The following B4GALNT2 variants were observed in gnomAD, a reference collection of about 807,000 sequenced individuals.
B4GALNT2 encodes beta-1,4-N-acetyl-galactosaminyltransferase 2 (SID blood group), also known as N-acetylneuraminylgalactosylglucosyl-glucoside beta-1,4-N- acetylgalactosaminyltransferase 2.
In B4GALNT2, 42 loss-of-function variants were observed where a neutral mutation model predicts 51.1. The observed-to-expected ratio is 0.82, with a 90% confidence interval of 0.64 to 1.06. The LOEUF is 1.06. Among genes scored for constraint, B4GALNT2 ranks in the 50% least tolerant of loss-of-function variants. B4GALNT2 has a pLI of 0.00. For synonymous variants in B4GALNT2, 253 were observed against 251.7 expected (o/e 1.01, Z -0.05); for missense variants, 602 against 633.6 (o/e 0.95, Z 0.54).
chr17:49,123,621 T>C, the B4GALNT2 span, among the ~76,000 whole-genome samples: 23 of 152,226 alleles, frequency 1.5e-4, 1 homozygote, highest in Non-Finnish European at 1.5e-4. Flanking sequence ...AAATTGGCAT[T>C]GATGGAACTT....
At chr17:49,129,481 A>G (rs1430468863), upstream of B4GALNT2, among the ~76,000 whole-genome samples, 3 of 152,262 alleles carry the variant, frequency 2.0e-5, no homozygotes, top group African/African-American at 7.2e-5. Context: ...TGGTTGCAAG[A>G]GAGCCTCTAT....
At chr17:49,133,904 T>G (rs2042564977) in intron 1 of B4GALNT2, among the ~76,000 whole-genome samples, 1 of 151,798 alleles carries the variant, frequency 6.6e-6, no homozygotes, top group South Asian at 2.1e-4. Flanking sequence ...AGAGGGAGAC[T>G]CTGTCTCAAA....
rs201464168 is a variant in B4GALNT2, at chr17:49,164,127, C to T, written c.806C>T (p.Thr269Ile). ...LRNLVTIATK[T>I]FLRPHKLMIM... ...AACCTGGTTACCATTGCTACCAAGA[C>T]TTTCCTCCGCCCCCACAAGCTCATG... The change falls in exon 8 of 11, where the codon ACT becomes ATT. Residue 269 changes from threonine (T) to isoleucine (I), a missense_variant. Thr to Ile is a moderately conservative substitution (Grantham distance 89, BLOSUM62 -1). Transcript: ENST00000393354. The T allele has an allele frequency of 3.3e-5, 54 of 1,614,142 alleles. No homozygotes were observed. The highest frequency in any genetic ancestry group is 4.5e-5 in the Non-Finnish European group (53 of 1,179,986).
At chr17:49,159,620 G>A (rs944475822) in intron 6 of B4GALNT2, among the ~76,000 whole-genome samples, 9 of 152,146 alleles carry the variant, frequency 5.9e-5, no homozygotes, top group East Asian at 5.8e-4. Context: ...GATTACAGGC[G>A]TGAGCTACAG....
chr17:49,147,727 G>A lies in B4GALNT2; in HGVS notation c.354-5073G>A, dbSNP rs184077287. Among the ~76,000 whole-genome samples the A allele has an allele frequency of 4.9e-3, 752 of 151,936 alleles. 6 individuals are homozygous for A. The highest frequency in any genetic ancestry group is 8.1e-3 in the Non-Finnish European group (548 of 67,964). On this transcript the variant is annotated intron_variant, in intron 3 of 10. Transcript: ENST00000393354. ...CCTGACCACTACCACTGCTATTCTC[G>A]TCCCTTTCTTAAATGATAGGTTCCC...
intron 1 of B4GALNT2, among the ~76,000 whole-genome samples, chr17:49,136,442 T>G (rs1489528525): frequency 6.6e-6 from 1 of 151,916 alleles, no homozygotes; most frequent in African/African-American, 2.4e-5. Flanking sequence ...AGATTTTATA[T>G]TTTATGTATA....
intron 5 of B4GALNT2, among the ~76,000 whole-genome samples, chr17:49,158,568 G>A (rs1191556880): frequency 2.7e-5 from 4 of 150,196 alleles, no homozygotes; most frequent in African/African-American, 9.8e-5. Context: ...AACCTGGGAG[G>A]TGGAGGTTGC....
At chr17:49,153,696 C>T (rs1408398933) in intron 4 of B4GALNT2, among the ~76,000 whole-genome samples, 2 of 151,798 alleles carry the variant, frequency 1.3e-5, no homozygotes, top group African/African-American at 2.4e-5. Context: ...TTAGTAGAGA[C>T]GGGTTTTCAC....
At chr17:49,133,229 T>C in intron 1 of B4GALNT2, 1 of 1,477,048 alleles carries the variant, frequency 6.8e-7, no homozygotes, top group Non-Finnish European at 8.9e-7. Flanking sequence ...GGTATGTGAG[T>C]GCCCGGGCGC....
At position 49,166,152 on chromosome 17, in the gene B4GALNT2, C is replaced by A; in HGVS notation, c.993C>A (p.Val331=). ...GTAGGAACCTGGCCATATCTCAGGT[C>A]ACCACCAAATACGTTCTCTGGGTGG... The part of the protein sequence containing the change: ...FAGRNLAISQ[V]TTKYVLWVDD... Residue 331 remains valine (V), a synonymous_variant, in exon 9 of 11, where the codon GTC becomes GTA. Coordinates refer to ENST00000393354, the MANE Select transcript of B4GALNT2 (RefSeq NM_001159387.2). 6.2e-7 allele frequency: 1 copy of A among 1,614,082 alleles called. No individual in the cohort carries two copies.
At chr17:49,141,023 C>CT (rs376685441) in intron 1 of B4GALNT2, among the ~76,000 whole-genome samples, 110 of 145,740 alleles carry the variant, frequency 7.5e-4, no homozygotes, top group Middle Eastern at 3.6e-3. Context: ...AGCCTCTAAC[C>CT]TTTTTTTTTT....
the B4GALNT2 span, among the ~76,000 whole-genome samples, chr17:49,120,508 G>T: frequency 1.3e-5 from 2 of 151,540 alleles, no homozygotes; most frequent in Non-Finnish European, 2.9e-5. Flanking sequence ...GTGTGTGTGT[G>T]TGTGTGTGTG....
rs761683989 is a variant in B4GALNT2 at position 49,164,156 on chromosome 17, A to G, written c.835A>G (p.Met279Val). ...CCTCCGCCCCCACAAGCTCATGATCATGCTCCGGAGTATTCGAGAGTATTA... is the reference window on the plus strand; with the variant it reads ...CCTCCGCCCCCACAAGCTCATGATCGTGCTCCGGAGTATTCGAGAGTATTA... The part of the protein sequence containing the change: ...TFLRPHKLMI[M>V]LRSIREYYPD... The change falls in exon 8 of 11, where the codon ATG (methionine) becomes GTG (valine). Residue 279 changes from methionine to valine, a missense_variant. By Grantham distance (21) the Met-to-Val change is conservative. Coordinates refer to ENST00000393354, the MANE Select transcript of B4GALNT2 (RefSeq NM_001159387.2). The G allele has an allele frequency of 2.5e-6, 4 of 1,614,004 alleles. No individual in the cohort carries two copies. Among genetic ancestry groups the G allele is most frequent in the Non-Finnish European group, 3.4e-6 (4 of 1,179,972 alleles).
At chr17:49,168,982 G>A in intron 10 of B4GALNT2, 82 bp downstream of exon 10, 1 of 1,409,790 alleles carries the variant, frequency 7.1e-7, no homozygotes, top group Middle Eastern at 2.5e-4. Flanking sequence ...GCTGTACCCG[G>A]CTGGCTGATC....
chr17:49,155,252 C>G (rs1282146843), intron 4 of B4GALNT2, among the ~76,000 whole-genome samples: 1 of 133,434 alleles, frequency 7.5e-6, no homozygotes, highest in Admixed American at 9.0e-5. Context: ...GAGCTGAGAT[C>G]ACACCACTGC....
In B4GALNT2 at chr17:49,174,496, A is replaced by C. The variant is rs893783367; in HGVS notation, c.*4768A>C. ...TGACTATTAAAGGCCAATTCTTTGG[A>C]ATCATAGCAGGAGAAGGCAGTCCTG... On this transcript the variant is annotated 3_prime_UTR_variant, in exon 11 of 11. Coordinates refer to ENST00000393354, the MANE Select transcript of B4GALNT2 (RefSeq NM_001159387.2). 3.9e-5 allele frequency: 6 copies of C among 152,246 alleles called. No homozygotes were observed. Among genetic ancestry groups the C allele is most frequent in the African/African-American group, 1.4e-4 (6 of 41,462 alleles). The allele number at this position is 152,246 out of a possible 1,614,324, so 9.4% of individuals were successfully genotyped here.
At chr17:49,125,212 T>A in the B4GALNT2 span, among the ~76,000 whole-genome samples, 1 of 152,176 alleles carries the variant, frequency 6.6e-6, no homozygotes, top group Non-Finnish European at 1.5e-5. Flanking sequence ...TAGGCTGGAG[T>A]GCAATGGTGC....
chr17:49,160,396 A>G (rs2042852030), intron 6 of B4GALNT2, among the ~76,000 whole-genome samples, 159 bp from the exon 7 acceptor site: 1 of 152,152 alleles, frequency 6.6e-6, no homozygotes, highest in Non-Finnish European at 1.5e-5. Flanking sequence ...GCAAGGCAGA[A>G]GCCTGAATGC....
At chr17:49,149,508 A>G (rs924582845) in intron 3 of B4GALNT2, among the ~76,000 whole-genome samples, 2 of 151,908 alleles carry the variant, frequency 1.3e-5, no homozygotes, top group Non-Finnish European at 2.9e-5. Context: ...TTAGCTGGAC[A>G]TGGTGGTGTA....
Sources: allele counts gnomAD v4.1 joint callset (sites outside exome capture counted in the v4.1 genomes callset), GRCh38; gene constraint gnomAD v4.1.1; transcripts MANE v1.5; gene names NCBI Gene and HGNC (gene_info 2026-07-23, HGNC 2026-07-21).